HECW1: variants seen among roughly 807,000 people sequenced by gnomAD.
The protein encoded by HECW1 is HECT, C2 and WW domain containing E3 ubiquitin protein ligase 1.
Under a neutral mutation model 182.3 loss-of-function variants are expected in HECW1, and 61 were observed. The ratio of observed to expected loss-of-function variants is 0.33; its 90% CI spans 0.27 to 0.41. HECW1 has a LOEUF of 0.41. Among genes scored for constraint, HECW1 ranks in the 10% least tolerant of loss-of-function variants. The pLI, the probability that HECW1 is intolerant of heterozygous loss-of-function variation, is 1.00. For synonymous variants in HECW1, 859 were observed against 832.6 expected (o/e 1.03, Z -0.55); for missense variants, 1,739 against 2,108.9 (o/e 0.82, Z 3.44).
intron 2 of HECW1, among the ~76,000 whole-genome samples, chr7:43,176,998 A>T: frequency 6.6e-6 from 1 of 152,308 alleles, no homozygotes; most frequent in East Asian, 1.9e-4. Flanking sequence ...AATTTGCATT[A>T]TAACAAGCTC....
chr7:43,460,559 C>CGTGT (rs142785518), intron 13 of HECW1, among the ~76,000 whole-genome samples: 1 of 149,888 alleles, frequency 6.7e-6, no homozygotes, highest in East Asian at 2.0e-4. Flanking sequence ...TGCGTGTGTG[C>CGTGT]GTGTGTGTGT....
At chr7:43,331,583 ACT>A (rs1811494238) in intron 5 of HECW1, among the ~76,000 whole-genome samples, 1 of 145,806 alleles carries the variant, frequency 6.9e-6, no homozygotes, top group Admixed American at 6.9e-5. Flanking sequence ...ACAGAGCAAG[ACT>A]CTGTCTCAAA....
chr7:43,393,538 A>G (rs2075119551), intron 6 of HECW1, among the ~76,000 whole-genome samples: 1 of 152,180 alleles, frequency 6.6e-6, no homozygotes, highest in Non-Finnish European at 1.5e-5. Flanking sequence ...TTTTTGTATC[A>G]TCAGTGTGGT....
At chr7:43,178,328 C>T (rs1277099401) in intron 2 of HECW1, among the ~76,000 whole-genome samples, 1 of 152,120 alleles carries the variant, frequency 6.6e-6, no homozygotes, top group Non-Finnish European at 1.5e-5. Flanking sequence ...TCTAACTATC[C>T]CCATGGACCG....
chr7:43,344,848 C>T (rs77734590), intron 5 of HECW1, among the ~76,000 whole-genome samples: 26,870 of 152,086 alleles, frequency 0.18, 3,143 homozygotes, highest in Non-Finnish European at 0.26. Flanking sequence ...CAGAATTTCT[C>T]GGATTCAAAA....
chr7:43,248,681 C>A, intron 3 of HECW1: 1 of 135,424 alleles, frequency 7.4e-6, no homozygotes, highest in Non-Finnish European at 1.5e-5. Flanking sequence ...CCTCCTCCTC[C>A]TCCTCCTCCT....
intron 5 of HECW1, among the ~76,000 whole-genome samples, chr7:43,335,968 TC>T (rs200042969): frequency 7.5e-6 from 1 of 132,724 alleles, no homozygotes; most frequent in African/African-American, 3.3e-5. Context: ...TTCCTTCCTT[TC>T]CCTCTCTCTC....
intron 5 of HECW1, among the ~76,000 whole-genome samples, chr7:43,344,259 T>C (rs1813395004): frequency 6.6e-6 from 1 of 151,906 alleles, no homozygotes; most frequent in Non-Finnish European, 1.5e-5. Flanking sequence ...TCTCTTTAGT[T>C]TAATTAGATC....
intron 8 of HECW1, among the ~76,000 whole-genome samples, chr7:43,417,990 G>C (rs532586814): frequency 6.6e-6 from 1 of 152,176 alleles, no homozygotes; most frequent in Non-Finnish European, 1.5e-5. Context: ...CAAAATGAAG[G>C]TGTGGGCAGA....
At chr7:43,410,506 G>GAC (rs143687162) in intron 8 of HECW1, among the ~76,000 whole-genome samples, 48 of 151,408 alleles carry the variant, frequency 3.2e-4, no homozygotes, top group Middle Eastern at 3.5e-3. Context: ...GGTGGAAGGA[G>GAC]ACACACACAC....
At chr7:43,201,273 A>G (rs1389231129) in intron 2 of HECW1, among the ~76,000 whole-genome samples, 1 of 152,212 alleles carries the variant, frequency 6.6e-6, no homozygotes, top group Non-Finnish European at 1.5e-5. Flanking sequence ...ACAGAGCTCC[A>G]GAGAAGGGGG....
At chr7:43,125,779 A>AAAAAAAAT (rs1786162556) in intron 2 of HECW1, among the ~76,000 whole-genome samples, 1 of 150,050 alleles carries the variant, frequency 6.7e-6, no homozygotes, top group Non-Finnish European at 1.5e-5. Context: ...AAAAAAAAAA[A>AAAAAAAAT]AGAGTGAGGC....
chr7:43,481,324 A>G (rs932512366), intron 17 of HECW1, among the ~76,000 whole-genome samples: 5 of 152,222 alleles, frequency 3.3e-5, no homozygotes, highest in African/African-American at 9.6e-5. Flanking sequence ...ATATGCCTTT[A>G]AAAAGTTCAA....
At chr7:43,171,874 T>C (rs1791726447) in intron 2 of HECW1, among the ~76,000 whole-genome samples, 1 of 152,172 alleles carries the variant, frequency 6.6e-6, no homozygotes. Flanking sequence ...TGAGATTAGT[T>C]TAATGTTACT....
intron 19 of HECW1, among the ~76,000 whole-genome samples, chr7:43,498,904 T>G (rs986161933): frequency 6.6e-6 from 1 of 152,132 alleles, no homozygotes; most frequent in Admixed American, 6.6e-5. Context: ...TAAGTTATGA[T>G]GAAGATTTGG....
chr7:43,488,434 G>A (rs189473823), intron 17 of HECW1, among the ~76,000 whole-genome samples: 7,882 of 93,188 alleles, frequency 0.085, 733 homozygotes, highest in South Asian at 0.13. Context: ...AAGAAAGAAA[G>A]AGAAAGAAAG....
intron 8 of HECW1, among the ~76,000 whole-genome samples, chr7:43,424,593 A>G (rs1251286689): frequency 6.6e-6 from 1 of 152,218 alleles, no homozygotes; most frequent in African/African-American, 2.4e-5. Context: ...ACTGCACTCC[A>G]GCCAGGGTGG....
intron 3 of HECW1, among the ~76,000 whole-genome samples, chr7:43,260,564 T>C (rs1293803381): frequency 6.6e-6 from 1 of 152,162 alleles, no homozygotes; most frequent in East Asian, 1.9e-4. Context: ...TTTGAAAAAT[T>C]CTGGATAAAG....
At chr7:43,153,422 G>A (rs562009186) in intron 2 of HECW1, among the ~76,000 whole-genome samples, 8 of 152,324 alleles carry the variant, frequency 5.3e-5, no homozygotes, top group African/African-American at 1.9e-4. Flanking sequence ...AAGTCTCATA[G>A]AGATTTTGGT....
Sources: allele counts gnomAD v4.1 joint callset (sites outside exome capture counted in the v4.1 genomes callset), GRCh38; gene constraint gnomAD v4.1.1; transcripts MANE v1.5; gene names NCBI Gene and HGNC (gene_info 2026-07-23, HGNC 2026-07-21).